The following MMS22L variants were observed in gnomAD, a reference collection of about 807,000 sequenced individuals.
MMS22L encodes the protein MMS22 like, DNA repair protein, also known as protein MMS22-like.
MMS22L carries 74 observed loss-of-function variants against 159.1 expected under a neutral mutation model. That is an observed-to-expected ratio of 0.47 (90% CI 0.39 to 0.56). The LOEUF (loss-of-function observed/expected upper bound fraction) is 0.56, where lower values mean the gene tolerates loss of function less well. MMS22L is among the 20% of genes least tolerant of loss of function. The pLI is 0.00. For missense variants in MMS22L, 1,351 were observed against 1,422.1 expected, an observed-to-expected ratio of 0.95 and a Z score of 0.80; for synonymous variants, 517 against 506.9, an observed-to-expected ratio of 1.02 and a Z score of -0.27.
chr6:97,258,866 G>A (rs1814118683), intron 9 of MMS22L: 1 of 152,122 alleles, frequency 6.6e-6, no homozygotes, highest in Admixed American at 6.5e-5. Flanking sequence ...CCCTCAAAGA[G>A]TGTTATTCAT....
rs760387659 is a variant in MMS22L at position 97,165,393 on chromosome 6, T to C, written c.3074A>G (p.Asn1025Ser). The C allele has an allele frequency of 5.6e-6, 9 of 1,613,132 alleles. No individual in the cohort carries two copies. The highest frequency in any genetic ancestry group is 2.7e-5 in the African/African-American group (2 of 74,862). The part of the protein sequence containing the change: ...PNAYLNQLLG[N>S]VIEQYIGRFL... ...TCGCCCAATATACTGCTCAATAACA[T>C]TCCCTAGCAATTGATTCAAATAGGC... is the stretch of plus-strand genomic sequence containing the variant. Residue 1025 changes from asparagine to serine, a missense_variant, in exon 21 of 25, where the codon AAT (asparagine) becomes AGT (serine). Coordinates refer to ENST00000683635, the MANE Select transcript of MMS22L (RefSeq NM_001350599.2).
At chr6:97,215,627 G>C (rs1808926663) in intron 14 of MMS22L, among the ~76,000 whole-genome samples, 2 of 152,074 alleles carry the variant, frequency 1.3e-5, no homozygotes, top group Admixed American at 1.3e-4. Context: ...GAGCAGCATA[G>C]TGACACAGAC....
At chr6:97,221,551 TGAAA>T (rs10600144) in intron 14 of MMS22L, among the ~76,000 whole-genome samples, 97,275 of 151,288 alleles carry the variant, frequency 0.64, 32,761 homozygotes, top group Non-Finnish European at 0.76. Flanking sequence ...AATACTCAGC[TGAAA>T]GATATAAAAA....
chr6:97,189,582 A>T (rs1233336214), intron 14 of MMS22L, among the ~76,000 whole-genome samples: 1 of 128,094 alleles, frequency 7.8e-6, no homozygotes, highest in Non-Finnish European at 1.7e-5. Flanking sequence ...AAAAAAAAGA[A>T]TAATTAATTA....
intron 14 of MMS22L, among the ~76,000 whole-genome samples, chr6:97,223,983 A>G (rs972896560): frequency 2.0e-5 from 3 of 152,208 alleles, no homozygotes; most frequent in African/African-American, 7.2e-5. Flanking sequence ...TATAAGCTGA[A>G]CATGATTTGA....
At chr6:97,246,987 G>GA (rs5878471) in intron 10 of MMS22L, among the ~76,000 whole-genome samples, 157 of 144,080 alleles carry the variant, frequency 1.1e-3, no homozygotes, top group Admixed American at 4.1e-3. Context: ...AATCCAACAG[G>GA]AAAAAAAAAA....
Position 97,172,895 on chromosome 6 carries a change from T to C in MMS22L, c.2839+168A>G, listed in dbSNP as rs1803695245. On this transcript the variant is annotated intron_variant, in intron 19 of 24. Transcript: ENST00000683635. Reference sequence around the variant, plus strand: ...GAAAAGAGATAGAGCAAGACAGAGATACATTTGAAGGCCAACATGAATTAT... The same window carrying C: ...GAAAAGAGATAGAGCAAGACAGAGACACATTTGAAGGCCAACATGAATTAT... Among the ~76,000 whole-genome samples, 3 of 152,162 alleles carry C rather than the reference T, an allele frequency of 2.0e-5. No homozygotes were observed. In the South Asian group the frequency reaches 6.2e-4, roughly 32 times the overall value.
chr6:97,226,832 T>C (rs913045109), intron 14 of MMS22L, among the ~76,000 whole-genome samples: 6 of 152,070 alleles, frequency 3.9e-5, no homozygotes, highest in African/African-American at 1.4e-4. Flanking sequence ...ACATAATTCT[T>C]TGTTGTAGGA....
intron 16 of MMS22L, among the ~76,000 whole-genome samples, chr6:97,179,930 A>G (rs1804533098): frequency 6.6e-6 from 1 of 152,244 alleles, no homozygotes; most frequent in Non-Finnish European, 1.5e-5. Flanking sequence ...AGTAGAATAA[A>G]TATCAGTGTC....
intron 14 of MMS22L, among the ~76,000 whole-genome samples, chr6:97,228,026 T>C (rs1810441446): frequency 6.6e-6 from 1 of 152,240 alleles, no homozygotes; most frequent in African/African-American, 2.4e-5. Flanking sequence ...AACTGGTTTA[T>C]TTCAAAGCAT....
In MMS22L at chr6:97,165,321, A is replaced by T. The variant is rs781570731; in HGVS notation, c.3146T>A (p.Val1049Asp). The change falls in exon 21 of 25, where the codon GTT becomes GAT. Residue 1049 changes from valine (V) to aspartate (D), a missense_variant. Transcript: ENST00000683635. ...GGCTGTGTTTCTCAATGCCAGCAAAACAGGATGTTGTCCAAGATCTGAAAC... is the reference window on the plus strand; with the variant it reads ...GGCTGTGTTTCTCAATGCCAGCAAATCAGGATGTTGTCCAAGATCTGAAAC... The part of the protein sequence containing the change: ...PYVSDLGQHP[V>D]LLALRNTATI... 4 of 1,613,462 alleles carry T rather than the reference A, an allele frequency of 2.5e-6. No homozygotes were observed. Among genetic ancestry groups the T allele is most frequent in the Non-Finnish European group, 3.4e-6 (4 of 1,179,634 alleles).
chr6:97,214,114 T>C (rs1265910808), intron 14 of MMS22L, among the ~76,000 whole-genome samples: 4 of 152,160 alleles, frequency 2.6e-5, no homozygotes, highest in Non-Finnish European at 5.9e-5. Flanking sequence ...AAAAATACCT[T>C]CTACACATAA....
rs141885015 is a variant in MMS22L, at chr6:97,213,120, G to A, written c.2039+15774C>T. Among the ~76,000 whole-genome samples, 438 of 152,138 alleles carry A rather than the reference G, an allele frequency of 2.9e-3. 1 individual carries two copies. The highest frequency in any genetic ancestry group is 0.01 in the African/African-American group (416 of 41,510). On this transcript the variant is annotated intron_variant, in intron 14 of 24. Coordinates refer to ENST00000683635, the MANE Select transcript of MMS22L (RefSeq NM_001350599.2). ...TATTTTTTTCTGTGAAGAAAATGAG[G>A]TTGCAGCCAGGCATGGTGGCTCACG... is the stretch of plus-strand genomic sequence containing the variant.
intron 7 of MMS22L, among the ~76,000 whole-genome samples, chr6:97,268,211 C>T (rs557312264): frequency 7.8e-5 from 11 of 141,526 alleles, no homozygotes; most frequent in Non-Finnish European, 1.5e-4. Flanking sequence ...TTTTTTGAGG[C>T]GAGGTCTCTG....
At chr6:97,222,196 T>C (rs1582676276) in intron 14 of MMS22L, among the ~76,000 whole-genome samples, 1 of 151,922 alleles carries the variant, frequency 6.6e-6, no homozygotes, top group African/African-American at 2.4e-5. Flanking sequence ...ATAAAAATAT[T>C]TGAAGAGAAT....
At chr6:97,225,893 T>C (rs1465534317) in intron 14 of MMS22L, among the ~76,000 whole-genome samples, 1 of 152,160 alleles carries the variant, frequency 6.6e-6, no homozygotes. Flanking sequence ...TTAGAATGCT[T>C]TTCTAAATAC....
intron 14 of MMS22L, among the ~76,000 whole-genome samples, chr6:97,224,140 C>T (rs894967527): frequency 6.6e-6 from 1 of 152,132 alleles, no homozygotes; most frequent in African/African-American, 2.4e-5. Flanking sequence ...TAGCACAACC[C>T]CCTATCACCT....
At chr6:97,166,047 T>G (rs1001331113) in intron 20 of MMS22L, among the ~76,000 whole-genome samples, 2 of 152,154 alleles carry the variant, frequency 1.3e-5, no homozygotes, top group East Asian at 3.9e-4. Flanking sequence ...GTTAGTAATA[T>G]TGTATCTCCA....
At chr6:97,170,669 T>C (rs1050768586) in intron 19 of MMS22L, among the ~76,000 whole-genome samples, 1 of 150,558 alleles carries the variant, frequency 6.6e-6, no homozygotes, top group Admixed American at 6.7e-5. Flanking sequence ...CACTACAATA[T>C]ACATTTTTAA....
Sources: allele counts gnomAD v4.1 joint callset (sites outside exome capture counted in the v4.1 genomes callset), GRCh38; gene constraint gnomAD v4.1.1; transcripts MANE v1.5; gene names NCBI Gene and HGNC (gene_info 2026-07-23, HGNC 2026-07-21).